Variants in PLEKHA5 observed in about 807,000 individuals in gnomAD.
PLEKHA5 encodes the protein pleckstrin homology domain containing A5, also known as pleckstrin homology domain-containing family A member 5.
A neutral mutation model predicts 181.9 loss-of-function variants in PLEKHA5; 55 were observed. The ratio of observed to expected loss-of-function variants is 0.30; its 90% CI spans 0.24 to 0.38. The LOEUF (loss-of-function observed/expected upper bound fraction) is 0.38. Among genes scored for constraint, PLEKHA5 ranks in the 10% least tolerant of loss-of-function variants. The probability of loss-of-function intolerance (pLI) is 1.00; values close to 1 mark genes in which losing one functional copy is unlikely to be tolerated. For synonymous variants in PLEKHA5, 535 were observed against 529.4 expected (o/e 1.01, Z -0.15); for missense variants, 1,432 against 1,549.5 (o/e 0.92, Z 1.27).
intron 3 of PLEKHA5, among the ~76,000 whole-genome samples, chr12:19,216,501 A>G (rs2058000977): frequency 1.3e-5 from 2 of 152,030 alleles, no homozygotes; most frequent in South Asian, 2.1e-4. Flanking sequence ...CATCTCTACT[A>G]AAAATACAAA....
At position 19,308,817 on chromosome 12, in the gene PLEKHA5, G is replaced by T. The variant is rs150361576; in HGVS notation, c.2038-5997G>T. On this transcript the variant is annotated intron_variant, in intron 15 of 31. Coordinates refer to ENST00000429027, the MANE Select transcript of PLEKHA5 (RefSeq NM_001256470.2). ...ATTTTAGCACTTTGGGAGGCCGAAG[G>T]GGGGCAGATCACCTGAGGTAAGGAG... Among the ~76,000 whole-genome samples, 19 of 152,038 alleles carry T rather than the reference G, an allele frequency of 1.2e-4. No individual in the cohort carries two copies. The East Asian group carries it at 1.4e-3, about 11-fold the overall frequency.
At chr12:19,221,451 G>A (rs1182079908) in intron 3 of PLEKHA5, among the ~76,000 whole-genome samples, 1 of 152,090 alleles carries the variant, frequency 6.6e-6, no homozygotes, top group Non-Finnish European at 1.5e-5. Flanking sequence ...AAACTATAGA[G>A]TGGAAAGACC....
At chr12:19,324,971 G>A (rs752667386) in intron 20 of PLEKHA5, among the ~76,000 whole-genome samples, 11 of 152,182 alleles carry the variant, frequency 7.2e-5, no homozygotes, top group African/African-American at 9.7e-5. Context: ...TTGAAATTCC[G>A]ATTTTAGGGA....
At chr12:19,293,712 C>T (rs1480306644) in intron 15 of PLEKHA5, among the ~76,000 whole-genome samples, 1 of 152,114 alleles carries the variant, frequency 6.6e-6, no homozygotes, top group East Asian at 1.9e-4. Context: ...CTTGCAGAGA[C>T]ATAGAACTTC....
chr12:19,167,629 G>T (rs1250917552), intron 3 of PLEKHA5, among the ~76,000 whole-genome samples: 1 of 151,842 alleles, frequency 6.6e-6, no homozygotes, highest in African/African-American at 2.4e-5. Context: ...GGCCTCTACT[G>T]TGCACTAGGT....
chr12:19,213,978 ATAC>A (rs2057459189), intron 3 of PLEKHA5, among the ~76,000 whole-genome samples: 1 of 152,176 alleles, frequency 6.6e-6, no homozygotes, highest in Non-Finnish European at 1.5e-5. Flanking sequence ...AATTATGATA[ATAC>A]TAATATTATC....
chr12:19,336,630 A>G lies in PLEKHA5; in HGVS notation c.2550+14A>G. On this transcript the variant is annotated intron_variant, in intron 21 of 31. Coordinates refer to ENST00000429027, the MANE Select transcript of PLEKHA5 (RefSeq NM_001256470.2). ...GGTGAAGTTCAGGTACAAAAGTATA[A>G]TATTCTTTATATTGTTTTAACTGTT... 4.4e-6 allele frequency: 6 copies of G among 1,369,056 alleles called. No individual in the cohort carries two copies. Among genetic ancestry groups the G allele is most frequent in the Non-Finnish European group, 5.2e-6 (5 of 961,300 alleles). The allele number at this position is 1,369,056 out of a possible 1,614,324, so 84.8% of individuals were successfully genotyped here. A position where few individuals can be genotyped will look rare whatever the true frequency, so the allele number is the denominator to read the frequency against.
At chr12:19,300,664 G>A (rs2081230307) in intron 15 of PLEKHA5, among the ~76,000 whole-genome samples, 1 of 152,058 alleles carries the variant, frequency 6.6e-6, no homozygotes, top group South Asian at 2.1e-4. Context: ...GAGTATAAAT[G>A]CCAAAAACAT....
At chr12:19,349,970 T>C (rs2094515763) in intron 25 of PLEKHA5, among the ~76,000 whole-genome samples, 1 of 151,944 alleles carries the variant, frequency 6.6e-6, no homozygotes, top group Non-Finnish European at 1.5e-5. Flanking sequence ...AAATTAGCCA[T>C]GCATGGTAGC....
chr12:19,324,871 T>C (rs1366574053), intron 20 of PLEKHA5, among the ~76,000 whole-genome samples: 1 of 152,172 alleles, frequency 6.6e-6, no homozygotes, highest in African/African-American at 2.4e-5. Flanking sequence ...AATGAGAAGC[T>C]CAGGGTCTCT....
At chr12:19,337,425 T>C (rs1592542914) in intron 21 of PLEKHA5, among the ~76,000 whole-genome samples, 1 of 151,284 alleles carries the variant, frequency 6.6e-6, no homozygotes, top group East Asian at 2.0e-4. Context: ...GGCAGGCATC[T>C]GTAATCCCAG....
intron 3 of PLEKHA5, among the ~76,000 whole-genome samples, chr12:19,205,777 A>AT (rs1162057251): frequency 6.6e-6 from 1 of 152,102 alleles, no homozygotes; most frequent in African/African-American, 2.4e-5. Flanking sequence ...ACAGTATAGC[A>AT]TTTTTGTTCT....
intron 1 of PLEKHA5, 37 bp downstream of exon 1, chr12:19,129,925 C>T (rs778614617): frequency 1.9e-6 from 3 of 1,554,140 alleles, no homozygotes; most frequent in African/African-American, 1.4e-5. Flanking sequence ...CCCGCGGGGG[C>T]GGGAGGGCAG....
intron 12 of PLEKHA5, among the ~76,000 whole-genome samples, chr12:19,283,986 TTC>T (rs1386971058): frequency 6.6e-6 from 1 of 152,196 alleles, no homozygotes; most frequent in Non-Finnish European, 1.5e-5. Context: ...AGCAGATGCA[TTC>T]TGTTTTCTCT....
intron 3 of PLEKHA5, chr12:19,149,354 A>G (rs2039758057): frequency 6.6e-6 from 1 of 151,948 alleles, no homozygotes; most frequent in Non-Finnish European, 1.5e-5. Context: ...TGCAAAAAAC[A>G]TTAGCTGGAT....
intron 3 of PLEKHA5, among the ~76,000 whole-genome samples, chr12:19,165,160 A>G (rs565202199): frequency 6.6e-6 from 1 of 152,248 alleles, no homozygotes; most frequent in East Asian, 1.9e-4. Flanking sequence ...AGCTGCTGAA[A>G]ATTTCTTTTC....
At chr12:19,202,038 A>G in intron 3 of PLEKHA5, 1 of 960,298 alleles carries the variant, frequency 1.0e-6, no homozygotes, top group Non-Finnish European at 1.2e-6. Context: ...GTTCGTTCTT[A>G]ATTATTCCCT....
intron 3 of PLEKHA5, among the ~76,000 whole-genome samples, chr12:19,221,192 T>G (rs2058878934): frequency 6.6e-6 from 1 of 152,126 alleles, no homozygotes; most frequent in Non-Finnish European, 1.5e-5. Context: ...AACCAGCACT[T>G]GAATGTCTAT....
intron 3 of PLEKHA5, among the ~76,000 whole-genome samples, chr12:19,171,992 C>T (rs1277336822): frequency 1.3e-5 from 2 of 152,158 alleles, no homozygotes; most frequent in African/African-American, 2.4e-5. Context: ...GCCTTGCTTC[C>T]GGAATACCTC....
Sources: gnomAD v4.1 joint callset for allele counts (sites outside exome capture counted in the v4.1 genomes callset) on GRCh38, gnomAD v4.1.1 for gene constraint, MANE v1.5 for transcripts, NCBI Gene and HGNC (gene_info 2026-07-23, HGNC 2026-07-21) for gene names.